The following RIN3 variants were observed in gnomAD, a reference collection of about 807,000 sequenced individuals.
The protein encoded by RIN3 is RAB5 interacting protein 3.
RIN3 carries 54 observed loss-of-function variants against 76.3 expected under a neutral mutation model. The ratio of observed to expected loss-of-function variants is 0.71; its 90% confidence interval spans 0.57 to 0.89. The LOEUF (loss-of-function observed/expected upper bound fraction) is 0.89, where lower values mean the gene tolerates loss of function less well. RIN3 is among the 40% of genes least tolerant of loss of function. The pLI is 0.00. For synonymous variants in RIN3, 576 were observed against 564.0 expected (o/e 1.02, Z -0.30); for missense variants, 1,256 against 1,322.1 (o/e 0.95, Z 0.78).
chr14:92,603,595 T>G (rs1885420697), intron 3 of RIN3, among the ~76,000 whole-genome samples: 1 of 152,200 alleles, frequency 6.6e-6, no homozygotes, highest in South Asian at 2.1e-4. Context: ...TGTCCAGCTT[T>G]GGGCTCTGCC....
intron 3 of RIN3, among the ~76,000 whole-genome samples, chr14:92,579,015 C>T (rs1414862032): frequency 6.6e-6 from 1 of 152,002 alleles, no homozygotes; most frequent in Non-Finnish European, 1.5e-5. Flanking sequence ...GCAACCTCCG[C>T]CTCCCGGGTT....
chr14:92,546,334 T>C (rs1167511838), intron 1 of RIN3, among the ~76,000 whole-genome samples: 3 of 152,234 alleles, frequency 2.0e-5, no homozygotes, highest in Non-Finnish European at 4.4e-5. Context: ...GGGATTGGGA[T>C]ATCCATCACC....
intron 3 of RIN3, among the ~76,000 whole-genome samples, chr14:92,589,768 A>G (rs922210596): frequency 6.6e-6 from 1 of 152,188 alleles, no homozygotes; most frequent in Admixed American, 6.5e-5. Flanking sequence ...CCCCCTTCCC[A>G]TGTGACGTGG....
At chr14:92,515,015 A>C (rs1226048917) in intron 1 of RIN3, 2 of 462,118 alleles carry the variant, frequency 4.3e-6, no homozygotes, top group Non-Finnish European at 7.7e-6. Flanking sequence ...TCTGTGAAAC[A>C]GGAGAGTTGG....
At position 92,659,482 on chromosome 14, in the gene RIN3, C is replaced by A; in HGVS notation, c.2335+13C>A. The A allele has an allele frequency of 6.3e-7, 1 of 1,582,366 alleles. No individual in the cohort carries two copies. Among genetic ancestry groups the A allele is most frequent in the Admixed American group, 1.8e-5 (1 of 55,844 alleles). On this transcript the variant is annotated intron_variant, in intron 7 of 9. Transcript: ENST00000216487. ...CTCGGCAACCCAGGTCAGTGGGCAG[C>A]CGGGAGGGGTCTGGGTGAGGAGCTC...
chr14:92,586,361 T>C (rs1884777207), intron 3 of RIN3: 2 of 152,258 alleles, frequency 1.3e-5, no homozygotes, highest in Non-Finnish European at 2.9e-5. Flanking sequence ...CTGTAAGATG[T>C]TGATTCGTTC....
chr14:92,531,167 G>C (rs560969145), intron 1 of RIN3, among the ~76,000 whole-genome samples: 1 of 152,288 alleles, frequency 6.6e-6, no homozygotes, highest in African/African-American at 2.4e-5. Flanking sequence ...ACAAACAGTG[G>C]CTCTGGAGGC....
At chr14:92,633,111 T>G (rs1313167532) in intron 4 of RIN3, among the ~76,000 whole-genome samples, 1 of 152,050 alleles carries the variant, frequency 6.6e-6, no homozygotes, top group Non-Finnish European at 1.5e-5. Flanking sequence ...AGGCAATGGC[T>G]AGGGGAACCA....
At position 92,652,380 on chromosome 14, in the gene RIN3, A is replaced by C. The variant is rs1316110510; in HGVS notation, c.1331A>C (p.His444Pro). The C allele has an allele frequency of 1.2e-6, 2 of 1,610,278 alleles. No homozygotes were observed. The highest frequency in any genetic ancestry group is 1.7e-6 in the Non-Finnish European group (2 of 1,178,148). Residue 444 changes from histidine to proline, a missense_variant, in exon 6 of 10, where the codon CAC becomes CCC. Transcript: ENST00000216487. The surrounding 1 kb of genome is among the most constrained non-coding windows in gnomAD (Gnocchi z 6.4). ...QDTEVKASDP[H>P]SMPELPRTAK... is the part of the protein sequence containing the mutation. ...ACAGAGGTGAAAGCCAGCGATCCTCACAGCATGCCAGAGCTGCCCAGGACA... is the reference window on the plus strand; with the variant it reads ...ACAGAGGTGAAAGCCAGCGATCCTCCCAGCATGCCAGAGCTGCCCAGGACA...
intron 4 of RIN3, among the ~76,000 whole-genome samples, chr14:92,636,356 T>G (rs1322113060): frequency 2.6e-5 from 4 of 152,088 alleles, no homozygotes; most frequent in African/African-American, 9.7e-5. Flanking sequence ...GAGGCCACTG[T>G]GTGGATCACC....
At chr14:92,624,655 A>G (rs2140113189) in intron 4 of RIN3, among the ~76,000 whole-genome samples, 1 of 152,344 alleles carries the variant, frequency 6.6e-6, no homozygotes, top group African/African-American at 2.4e-5. Flanking sequence ...GATCCCCACA[A>G]GGTATAACTA....
At chr14:92,619,577 C>T (rs1886100401) in intron 4 of RIN3, among the ~76,000 whole-genome samples, 1 of 151,560 alleles carries the variant, frequency 6.6e-6, no homozygotes, top group South Asian at 2.1e-4. Context: ...GCAGCTGGGA[C>T]TACAAGCGCC....
chr14:92,524,294 C>T (rs1952330), intron 1 of RIN3, among the ~76,000 whole-genome samples: 19,956 of 152,222 alleles, frequency 0.13, 1,494 homozygotes, highest in South Asian at 0.2. Flanking sequence ...ACTGTCTCTT[C>T]GTTGAAACAG....
At chr14:92,585,372 C>T (rs1241739231) in intron 3 of RIN3, among the ~76,000 whole-genome samples, 1 of 152,174 alleles carries the variant, frequency 6.6e-6, no homozygotes, top group East Asian at 1.9e-4. Context: ...GACACCCGTG[C>T]ACATGGATCT....
chr14:92,646,252 C>T (rs1047309721), intron 5 of RIN3, among the ~76,000 whole-genome samples: 8 of 152,194 alleles, frequency 5.3e-5, no homozygotes, highest in Admixed American at 6.5e-5. Context: ...CCCTTTCCTC[C>T]GCTTGCCGTG....
chr14:92,594,008 A>T (rs1885072005), intron 3 of RIN3, among the ~76,000 whole-genome samples: 1 of 152,216 alleles, frequency 6.6e-6, no homozygotes, highest in South Asian at 2.1e-4. Context: ...AATCAACTGG[A>T]TATGGTGGAC....
chr14:92,644,362 C>T (rs1411560231), intron 5 of RIN3: 1 of 152,000 alleles, frequency 6.6e-6, no homozygotes, highest in Non-Finnish European at 1.5e-5. Context: ...ACAGATTCCT[C>T]TCACCTGCAA....
At chr14:92,562,441 G>C (rs1208658695) in intron 2 of RIN3, among the ~76,000 whole-genome samples, 1 of 151,976 alleles carries the variant, frequency 6.6e-6, no homozygotes, top group African/African-American at 2.4e-5. Context: ...TCCTTGATTT[G>C]GTATCTAATA....
intron 3 of RIN3, among the ~76,000 whole-genome samples, chr14:92,612,977 C>G (rs887341971): frequency 9.9e-5 from 15 of 152,184 alleles, no homozygotes; most frequent in Admixed American, 3.3e-4. Context: ...CCAGGGGGCA[C>G]AGAAGGGGGT....
Sources: gnomAD v4.1 joint callset for allele counts (sites outside exome capture counted in the v4.1 genomes callset) on GRCh38, gnomAD v4.1.1 for gene constraint, Gnocchi (gnomAD v3.1) non-coding constraint, MANE v1.5 for transcripts, NCBI Gene and HGNC (gene_info 2026-07-23, HGNC 2026-07-21) for gene names.